The following WNT1 variants were observed in gnomAD, a reference collection of about 807,000 sequenced individuals.
WNT1 encodes the protein Wnt family member 1, also known as proto-oncogene Wnt-1.
A neutral mutation model predicts 21.3 loss-of-function variants in WNT1; 10 were observed. The observed-to-expected ratio is 0.47, with a 90% CI of 0.29 to 0.80. The LOEUF (loss-of-function observed/expected upper bound fraction) is 0.80, where lower values mean the gene tolerates loss of function less well. Ranked by LOEUF, WNT1 falls within the 30% of genes least tolerant of loss-of-function variation. WNT1 has a pLI of 0.09. For missense variants in WNT1, 476 were observed against 534.1 expected, an observed-to-expected ratio of 0.89 and a Z score of 1.07; for synonymous variants, 208 against 236.3, an observed-to-expected ratio of 0.88 and a Z score of 1.10.
Position 48,981,153 on chromosome 12 carries a change from C to A in WNT1, c.626C>A (p.Thr209Asn), listed in dbSNP as rs1275738050. The A allele has an allele frequency of 6.2e-7, 1 of 1,611,788 alleles. No individual in the cohort carries two copies. Among genetic ancestry groups the A allele is most frequent in the East Asian group, 2.2e-5 (1 of 44,680 alleles). ...NLHNNEAGRT[T>N]VFSEMRQECK... ...CTCTTTCTTCCCCTATCCCCGCAGA[C>A]CGTATTCTCCGAGATGCGCCAGGAG... Residue 209 changes from threonine to asparagine, a missense_variant and splice_region_variant, in exon 4 of 4, where the codon ACC becomes AAC. Physicochemically the swap from Thr to Asn is moderately conservative, Grantham distance 65. Transcript: ENST00000293549. This position sits in a 1 kb window ranked among gnomAD's most constrained non-coding sequence, Gnocchi z 7.4.
rs1456773332 is a variant in WNT1, at chr12:48,980,665, T to C, written c.600T>C (p.Leu200=). ...GGGACCTGCGCTTCCTCATGAACCT[T>C]CACAACAACGAGGCAGGCCGTACGG... ...KGRDLRFLMN[L]HNNEAGRTTV... Residue 200 remains leucine, a synonymous_variant, in exon 3 of 4, where the codon CTT becomes CTC. Coordinates refer to ENST00000293549, the MANE Select transcript of WNT1 (RefSeq NM_005430.4). The surrounding 1 kb of genome is among the most constrained non-coding windows in gnomAD (Gnocchi z 7.0). 1.1e-5 allele frequency: 17 copies of C among 1,566,098 alleles called. No individual in the cohort carries two copies. In the African/African-American group the frequency reaches 1.6e-4, roughly 15 times the overall value.
chr12:48,980,592 T>G lies in WNT1; in HGVS notation c.527T>G (p.Phe176Cys). Reference protein sequence around the residue: ...HWGGCSDNIDFGRLFGREFVD... With the variant: ...HWGGCSDNIDCGRLFGREFVD... ...GGGGGCTGCAGCGACAACATTGACT[T>G]CGGCCGCCTCTTCGGCCGGGAGTTC... The change falls in exon 3 of 4, where the codon TTC (phenylalanine) becomes TGC (cysteine). Residue 176 changes from phenylalanine to cysteine, a missense_variant. By Grantham distance (205) the Phe-to-Cys change is radical (BLOSUM62 -2). Transcript: ENST00000293549. This position sits in a 1 kb window ranked among gnomAD's most constrained non-coding sequence, Gnocchi z 7.0. 1 of 1,603,742 alleles carries G rather than the reference T, an allele frequency of 6.2e-7. No individual in the cohort carries two copies. Among genetic ancestry groups the G allele is most frequent in the South Asian group, 1.1e-5 (1 of 90,232 alleles).
chr12:48,981,994 C>T lies in WNT1; in HGVS notation c.*354C>T, dbSNP rs1056771405. Among the ~76,000 whole-genome samples, 2 of 152,200 alleles carry T rather than the reference C, an allele frequency of 1.3e-5. No individual in the cohort carries two copies. Among genetic ancestry groups the T allele is most frequent in the Non-Finnish European group, 2.9e-5 (2 of 68,040 alleles). ...GATGGTGTCATTCTGCCTGCTCCATCGCGCCAGCGACCTCTCTGCCTCTCT... is the reference window on the plus strand; with the variant it reads ...GATGGTGTCATTCTGCCTGCTCCATTGCGCCAGCGACCTCTCTGCCTCTCT... On this transcript the variant is annotated 3_prime_UTR_variant, in exon 4 of 4. Transcript: ENST00000293549. This position sits in a 1 kb window ranked among gnomAD's most constrained non-coding sequence, Gnocchi z 7.4.
At position 48,979,848 on chromosome 12, in the gene WNT1, G is replaced by A; in HGVS notation, c.358+127G>A. 7.5e-7 allele frequency: 1 copy of A among 1,335,334 alleles called. No individual in the cohort carries two copies. The highest frequency in any genetic ancestry group is 9.9e-7 in the Non-Finnish European group (1 of 1,012,734). The allele number at this position is 1,335,334 out of a possible 1,614,324, so 82.7% of individuals were successfully genotyped here. A position where few individuals can be genotyped will look rare whatever the true frequency, so the allele number is the denominator to read the frequency against. On this transcript the variant is annotated intron_variant, in intron 2 of 3. Coordinates refer to ENST00000293549, the MANE Select transcript of WNT1 (RefSeq NM_005430.4). This position sits in a 1 kb window ranked among gnomAD's most constrained non-coding sequence, Gnocchi z 6.0. The stretch of plus-strand genomic sequence containing the variant: ...AGGGTCACACAATCAACCTTGCCAA[G>A]TGCCTCGTGCCCAGCGCCAGCTCGG...
Position 48,979,459 on chromosome 12 carries a change from TC to T in WNT1, c.105-6del. 1 of 1,597,136 alleles carries T rather than the reference TC, an allele frequency of 6.3e-7. No individual in the cohort carries two copies. ...CTTCCTGAGCCTGAGCTATCATACG[TC>T]CCACCAGGGGTATTGTGAACGTAGC... On this transcript the variant is annotated splice_polypyrimidine_tract_variant and splice_region_variant and intron_variant, in intron 1 of 3. Transcript: ENST00000293549. This position sits in a 1 kb window ranked among gnomAD's most constrained non-coding sequence, Gnocchi z 6.0.
At position 48,979,718 on chromosome 12, in the gene WNT1, C is replaced by G. The variant is rs1165277706; in HGVS notation, c.355C>G (p.Arg119Gly). The change falls in exon 2 of 4, where the codon CGA becomes GGA. Residue 119 changes from arginine to glycine, a missense_variant. Transcript: ENST00000293549. This position sits in a 1 kb window ranked among gnomAD's most constrained non-coding sequence, Gnocchi z 6.0. The part of the protein sequence containing the change: ...GPHLFGKIVN[R>G]GCRETAFIFA... ...CCACCTCTTCGGCAAGATCGTCAAC[C>G]GAGGTGGGTGCCCAGGAAGGCGACG... 2.5e-6 allele frequency: 4 copies of G among 1,586,402 alleles called. No individual in the cohort carries two copies. The highest frequency in any genetic ancestry group is 1.3e-5 in the African/African-American group (1 of 74,530).
Position 48,979,385 on chromosome 12 carries a change from C to T in WNT1, c.105-83C>T. ...GCCATTCTCTCCAGCCACATACCCCCAGGAAGAGGACCGGGTGGCACAGTT... is the reference window on the plus strand; with the variant it reads ...GCCATTCTCTCCAGCCACATACCCCTAGGAAGAGGACCGGGTGGCACAGTT... On this transcript the variant is annotated intron_variant, in intron 1 of 3. Coordinates refer to ENST00000293549, the MANE Select transcript of WNT1 (RefSeq NM_005430.4). This position sits in a 1 kb window ranked among gnomAD's most constrained non-coding sequence, Gnocchi z 6.0. 1 of 1,490,266 alleles carries T rather than the reference C, an allele frequency of 6.7e-7. No homozygotes were observed. The highest frequency in any genetic ancestry group is 9.0e-7 in the Non-Finnish European group (1 of 1,112,822). The allele number at this position is 1,490,266 out of a possible 1,614,324, so 92.3% of individuals were successfully genotyped here.
rs552327433 is a variant in WNT1, at chr12:48,980,327, C to T, written c.359-97C>T. ...GCCCTGGCTCTCAGGACTCAAAGTG[C>T]GGAGTCGGGGGTGGGATTCCGGTCC... On this transcript the variant is annotated intron_variant, in intron 2 of 3. Transcript: ENST00000293549. The surrounding 1 kb of genome is among the most constrained non-coding windows in gnomAD (Gnocchi z 7.0). 275 of 1,397,334 alleles carry T rather than the reference C, an allele frequency of 2.0e-4. No individual in the cohort carries two copies. The highest frequency in any genetic ancestry group is 1.4e-4 in the Non-Finnish European group (144 of 1,008,428). The allele number at this position is 1,397,334 out of a possible 1,614,324, so 86.6% of individuals were successfully genotyped here. A position where few individuals can be genotyped will look rare whatever the true frequency, so the allele number is the denominator to read the frequency against.
rs1940982437 is a variant in WNT1, at chr12:48,979,532, C to G, written c.169C>G (p.Leu57Val). Reference protein sequence around the residue: ...LTDSKSLQLVLEPSLQLLSRK... With the variant: ...LTDSKSLQLVVEPSLQLLSRK... ...AGACTCCAAGAGTCTGCAACTGGTA[C>G]TCGAGCCCAGTCTGCAGCTGTTGAG... Residue 57 changes from leucine (L) to valine (V), a missense_variant, in exon 2 of 4, where the codon CTC becomes GTC. Transcript: ENST00000293549. This position sits in a 1 kb window ranked among gnomAD's most constrained non-coding sequence, Gnocchi z 6.0. 1 of 1,614,070 alleles carries G rather than the reference C, an allele frequency of 6.2e-7. No homozygotes were observed.
Position 48,978,591 on chromosome 12 carries a change from C to T in WNT1, c.-60C>T. 1 of 1,277,964 alleles carries T rather than the reference C, an allele frequency of 7.8e-7. No homozygotes were observed. Among genetic ancestry groups the T allele is most frequent in the South Asian group, 1.3e-5 (1 of 78,862 alleles). 79.2% of individuals were successfully genotyped at this position (1,277,964 alleles called of 1,614,324 possible). A position where few individuals can be genotyped will look rare whatever the true frequency, so the allele number is the denominator to read the frequency against. On this transcript the variant is annotated 5_prime_UTR_variant, in exon 1 of 4. Coordinates refer to ENST00000293549, the MANE Select transcript of WNT1 (RefSeq NM_005430.4). This position sits in a 1 kb window ranked among gnomAD's most constrained non-coding sequence, Gnocchi z 7.4. ...CCACCGCCGCGTCCCGTCCCACCGT[C>T]GCGGGCAACAACCAAAGTCGCCGCA... is the stretch of plus-strand genomic sequence containing the variant.
Position 48,978,532 on chromosome 12 carries a change from G to A in WNT1, c.-119G>A. The A allele has an allele frequency of 1.3e-6, 1 of 758,586 alleles. No individual in the cohort carries two copies. The highest frequency in any genetic ancestry group is 2.1e-5 in the Admixed American group (1 of 47,264). 47.0% of individuals were successfully genotyped at this position (758,586 alleles called of 1,614,324 possible). On this transcript the variant is annotated 5_prime_UTR_variant, in exon 1 of 4. Transcript: ENST00000293549. The surrounding 1 kb of genome is among the most constrained non-coding windows in gnomAD (Gnocchi z 7.4). ...CTGTCCGCCGCCCGCCCCCAGGGTT[G>A]TTAAAGCCAGACTGCGAACTCTCGC... is the stretch of plus-strand genomic sequence containing the variant.
In WNT1 at chr12:48,979,757, G is replaced by C; in HGVS notation, c.358+36G>C. On this transcript the variant is annotated intron_variant, in intron 2 of 3. Transcript: ENST00000293549. The surrounding 1 kb of genome is among the most constrained non-coding windows in gnomAD (Gnocchi z 6.0). Reference sequence around the variant, plus strand: ...AGGAAGGCGACGCTTCCGGGAGCAGGGGAAACGCGGGGTCACCCCCAGGGC... The same window carrying C: ...AGGAAGGCGACGCTTCCGGGAGCAGCGGAAACGCGGGGTCACCCCCAGGGC... 1 of 1,544,778 alleles carries C rather than the reference G, an allele frequency of 6.5e-7. No individual in the cohort carries two copies. Among genetic ancestry groups the C allele is most frequent in the Non-Finnish European group, 8.7e-7 (1 of 1,145,458 alleles).
chr12:48,978,618 C>T lies in WNT1; in HGVS notation c.-33C>T. On this transcript the variant is annotated 5_prime_UTR_variant, in exon 1 of 4. Transcript: ENST00000293549. The surrounding 1 kb of genome is among the most constrained non-coding windows in gnomAD (Gnocchi z 7.4). ...CGGGCAACAACCAAAGTCGCCGCAACTGCAGCACAGAGCGGGCAAAGCCAG... is the reference window on the plus strand; with the variant it reads ...CGGGCAACAACCAAAGTCGCCGCAATTGCAGCACAGAGCGGGCAAAGCCAG... 6.6e-7 allele frequency: 1 copy of T among 1,518,246 alleles called. No homozygotes were observed. The allele number at this position is 1,518,246 out of a possible 1,614,324, so 94.0% of individuals were successfully genotyped here. A position where few individuals can be genotyped will look rare whatever the true frequency, so the allele number is the denominator to read the frequency against.
Position 48,979,692 on chromosome 12 carries a change from C to T in WNT1, c.329C>T (p.Pro110Leu), listed in dbSNP as rs1940984996. ...RRWNCPTAPGPHLFGKIVNRG... is the reference protein window; with the variant it reads ...RRWNCPTAPGLHLFGKIVNRG... ...TGGAACTGTCCCACTGCTCCAGGGC[C>T]CCACCTCTTCGGCAAGATCGTCAAC... Residue 110 changes from proline (P) to leucine (L), a missense_variant, in exon 2 of 4, where the codon CCC becomes CTC. Physicochemically the swap from Pro to Leu is moderately conservative, Grantham distance 98 (BLOSUM62 -3). Transcript: ENST00000293549. The surrounding 1 kb of genome is among the most constrained non-coding windows in gnomAD (Gnocchi z 6.0). 2.5e-6 allele frequency: 4 copies of T among 1,598,110 alleles called. No homozygotes were observed. The highest frequency in any genetic ancestry group is 1.7e-5 in the Admixed American group (1 of 59,466).
chr12:48,979,591 G>A lies in WNT1; in HGVS notation c.228G>A (p.Pro76=), dbSNP rs1940983222. The change falls in exon 2 of 4, where the codon CCG becomes CCA. Residue 76 remains proline, a synonymous_variant. Transcript: ENST00000293549. This position sits in a 1 kb window ranked among gnomAD's most constrained non-coding sequence, Gnocchi z 6.0. ...RKQRRLIRQN[P]GILHSVSGGL... is the part of the protein sequence containing the mutation. ...AGCGGCGTCTGATACGCCAAAATCCGGGGATCCTGCACAGCGTGAGTGGGG... is the reference window on the plus strand; with the variant it reads ...AGCGGCGTCTGATACGCCAAAATCCAGGGATCCTGCACAGCGTGAGTGGGG... The A allele has an allele frequency of 1.2e-6, 2 of 1,614,090 alleles. No individual in the cohort carries two copies. Among genetic ancestry groups the A allele is most frequent in the African/African-American group, 1.3e-5 (1 of 75,068 alleles).
rs771142889 is a variant in WNT1, at chr12:48,981,137, C to T, written c.625-15C>T. On this transcript the variant is annotated splice_polypyrimidine_tract_variant and intron_variant, in intron 3 of 3. Coordinates refer to ENST00000293549, the MANE Select transcript of WNT1 (RefSeq NM_005430.4). The surrounding 1 kb of genome is among the most constrained non-coding windows in gnomAD (Gnocchi z 7.4). ...CCGGTGCCCTGGGACACTCTTTCTT[C>T]CCCTATCCCCGCAGACCGTATTCTC... 1 of 1,609,862 alleles carries T rather than the reference C, an allele frequency of 6.2e-7. No individual in the cohort carries two copies. Among genetic ancestry groups the T allele is most frequent in the South Asian group, 1.1e-5 (1 of 90,832 alleles).
At position 48,978,711 on chromosome 12, in the gene WNT1, G is replaced by T. The variant is rs1316244411; in HGVS notation, c.61G>T (p.Ala21Ser). ...TGCTACGCTGCTGCTGGCGCTGGCC[G>T]CTCTGCCCGCAGCCCTGGCTGCCAA... ...VSATLLLALA[A>S]LPAALAANSS... Residue 21 changes from alanine (A) to serine (S), a missense_variant, in exon 1 of 4, where the codon GCT becomes TCT. By Grantham distance (99) the Ala-to-Ser change is moderately conservative (BLOSUM62 1). Coordinates refer to ENST00000293549, the MANE Select transcript of WNT1 (RefSeq NM_005430.4). The surrounding 1 kb of genome is among the most constrained non-coding windows in gnomAD (Gnocchi z 7.4). 2 of 1,603,514 alleles carry T rather than the reference G, an allele frequency of 1.2e-6. No homozygotes were observed. Among genetic ancestry groups the T allele is most frequent in the Non-Finnish European group, 1.7e-6 (2 of 1,178,488 alleles).
rs576057022 is a variant in WNT1, at chr12:48,979,677, C to G, written c.314C>G (p.Pro105Arg). 5 of 1,609,228 alleles carry G rather than the reference C, an allele frequency of 3.1e-6. No homozygotes were observed. The African/African-American group carries it at 6.7e-5, about 21-fold the overall frequency. The change falls in exon 2 of 4, where the codon CCC becomes CGC. Residue 105 changes from proline (P) to arginine (R), a missense_variant. Transcript: ENST00000293549. This position sits in a 1 kb window ranked among gnomAD's most constrained non-coding sequence, Gnocchi z 6.0. ...WQFRNRRWNC[P>R]TAPGPHLFGK... Reference sequence around the variant, plus strand: ...TTCCGGAATCGCCGCTGGAACTGTCCCACTGCTCCAGGGCCCCACCTCTTC... The same window carrying G: ...TTCCGGAATCGCCGCTGGAACTGTCGCACTGCTCCAGGGCCCCACCTCTTC...
rs562565115 is a variant in WNT1, at chr12:48,980,363, A to G, written c.359-61A>G. ...GTGGGATTCCGGTCCCAAGCCCTTC[A>G]TGAGGGTGCTGGCCGCGCCCCGCGT... On this transcript the variant is annotated intron_variant, in intron 2 of 3. Transcript: ENST00000293549. This position sits in a 1 kb window ranked among gnomAD's most constrained non-coding sequence, Gnocchi z 7.0. The G allele has an allele frequency of 4.4e-6, 7 of 1,598,898 alleles. No individual in the cohort carries two copies. The South Asian group carries it at 6.7e-5, about 15-fold the overall frequency.
Sources: gnomAD v4.1 joint callset for allele counts (sites outside exome capture counted in the v4.1 genomes callset) on GRCh38, gnomAD v4.1.1 for gene constraint, Gnocchi (gnomAD v3.1) non-coding constraint, MANE v1.5 for transcripts, NCBI Gene and HGNC (gene_info 2026-07-23, HGNC 2026-07-21) for gene names.